The following RBFOX1 variants were observed in gnomAD, a reference collection of about 807,000 sequenced individuals.
RBFOX1 encodes RNA binding protein fox-1 homolog 1.
RBFOX1 carries 8 observed loss-of-function variants against 57.7 expected under a neutral mutation model. The observed-to-expected ratio is 0.14, with a 90% CI of 0.08 to 0.25. The LOEUF (loss-of-function observed/expected upper bound fraction) is 0.25, where lower values mean the gene tolerates loss of function less well. Among genes scored for constraint, RBFOX1 ranks in the 10% least tolerant of loss-of-function variants. The pLI is 1.00. For missense variants in RBFOX1, 611 were observed against 548.5 expected, an observed-to-expected ratio of 1.11 and a Z score of -1.14; for synonymous variants, 326 against 222.4, an observed-to-expected ratio of 1.47 and a Z score of -4.15.
intron 4 of RBFOX1, among the ~76,000 whole-genome samples, chr16:7,201,446 C>G (rs1226339592): frequency 6.9e-6 from 1 of 143,990 alleles, no homozygotes; most frequent in Non-Finnish European, 1.5e-5. Flanking sequence ...ATGCCACGAT[C>G]TGATTCTTTT....
intron 4 of RBFOX1, among the ~76,000 whole-genome samples, chr16:7,444,286 T>A (rs1317607232): frequency 1.3e-5 from 2 of 152,120 alleles, no homozygotes; most frequent in Non-Finnish European, 2.9e-5. Context: ...GTGGGTGTGG[T>A]CTGGCTGGAA....
At chr16:6,982,108 C>G (rs140202633) in intron 3 of RBFOX1, among the ~76,000 whole-genome samples, 146 of 152,200 alleles carry the variant, frequency 9.6e-4, no homozygotes, top group African/African-American at 3.4e-3. Context: ...GGCCCCCGCA[C>G]CAATGACTAA....
intron 3 of RBFOX1, among the ~76,000 whole-genome samples, chr16:6,844,742 G>T (rs986524796): frequency 6.6e-5 from 10 of 152,126 alleles, no homozygotes; most frequent in Non-Finnish European, 1.5e-4. Flanking sequence ...TCTGCATCTA[G>T]GTCTTTGAGG....
chr16:7,444,243 C>T (rs1035556491), intron 4 of RBFOX1, among the ~76,000 whole-genome samples: 10 of 152,196 alleles, frequency 6.6e-5, no homozygotes, highest in Admixed American at 3.3e-4. Flanking sequence ...TATCTATGTT[C>T]TAACCTGTTT....
At chr16:5,419,681 G>C (rs751395154) in intron 1 of RBFOX1, among the ~76,000 whole-genome samples, 1 of 152,046 alleles carries the variant, frequency 6.6e-6, no homozygotes, top group Non-Finnish European at 1.5e-5. Context: ...TCCCATGGTT[G>C]AGTTCTTTTC....
intron 4 of RBFOX1, among the ~76,000 whole-genome samples, chr16:7,100,178 T>G (rs2062431106): frequency 6.6e-6 from 1 of 152,144 alleles, no homozygotes; most frequent in African/African-American, 2.4e-5. Flanking sequence ...AAATTGAAGT[T>G]GAAAGGAATT....
At chr16:7,612,599 C>G (rs1596486631) in intron 10 of RBFOX1, among the ~76,000 whole-genome samples, 1 of 151,264 alleles carries the variant, frequency 6.6e-6, no homozygotes, top group Admixed American at 6.6e-5. Context: ...TTTCCCTTGT[C>G]TTCTAATAAA....
intron 3 of RBFOX1, among the ~76,000 whole-genome samples, chr16:5,677,943 G>A (rs188318359): frequency 6.6e-6 from 1 of 152,306 alleles, no homozygotes; most frequent in Admixed American, 6.5e-5. Flanking sequence ...TATTCCATGA[G>A]CCGAAATGTG....
intron 3 of RBFOX1, among the ~76,000 whole-genome samples, chr16:6,713,492 G>A (rs1368011498): frequency 6.6e-6 from 1 of 152,064 alleles, no homozygotes; most frequent in Non-Finnish European, 1.5e-5. Flanking sequence ...ATTGTAGGAT[G>A]TTGAGGAGCA....
chr16:5,259,995 G>A (rs2062693598), intron 1 of RBFOX1, among the ~76,000 whole-genome samples: 1 of 152,176 alleles, frequency 6.6e-6, no homozygotes, highest in Non-Finnish European at 1.5e-5. Context: ...GAGGCCGAGA[G>A]TTTGAGACCA....
intron 3 of RBFOX1, among the ~76,000 whole-genome samples, chr16:6,739,868 C>T (rs1603484006): frequency 3.3e-5 from 5 of 152,220 alleles, no homozygotes; most frequent in Admixed American, 3.3e-4. Context: ...CAGAGCAAGA[C>T]TCTGTCTTAA....
At chr16:7,456,115 GC>G (rs1222223109) in intron 4 of RBFOX1, among the ~76,000 whole-genome samples, 1 of 152,210 alleles carries the variant, frequency 6.6e-6, no homozygotes, top group East Asian at 1.9e-4. Flanking sequence ...TTCCTACATT[GC>G]CCTTTTGCAC....
chr16:7,076,172 C>G (rs115719467), intron 4 of RBFOX1, among the ~76,000 whole-genome samples: 1,539 of 151,408 alleles, frequency 0.01, 30 homozygotes, highest in African/African-American at 0.035. Flanking sequence ...CTCTCGAGTA[C>G]CTAGAACTAC....
In RBFOX1 at chr16:7,273,068, C is replaced by A. The variant is rs1233735265; in HGVS notation, c.27+220970C>A. Among the ~76,000 whole-genome samples, 12 of 120,552 alleles carry A rather than the reference C, an allele frequency of 1.0e-4. 2 individuals are homozygous for A. Among genetic ancestry groups the A allele is most frequent in the Non-Finnish European group, 1.4e-4 (8 of 58,738 alleles). The allele number at this position is 120,552 out of a possible 152,430, so 79.1% of individuals were successfully genotyped here. On this transcript the variant is annotated intron_variant, in intron 4 of 15. Coordinates refer to ENST00000550418, the MANE Select transcript of RBFOX1 (RefSeq NM_018723.4). ...CTCCCTTCCCTCCCTCCTTCCCTCC[C>A]TCCTTCCATCCTTCCGCTCTCCCTC...
At chr16:7,580,003 C>T in intron 6 of RBFOX1, 83 bp downstream of exon 6, 1 of 1,465,458 alleles carries the variant, frequency 6.8e-7, no homozygotes, top group Non-Finnish European at 9.4e-7. Flanking sequence ...GGGGTATTTA[C>T]AATACTAAGG....
intron 1 of RBFOX1, among the ~76,000 whole-genome samples, chr16:6,225,635 C>T (rs185345348): frequency 6.6e-6 from 1 of 152,278 alleles, no homozygotes; most frequent in Admixed American, 6.5e-5. Context: ...GAATTGCTCA[C>T]AATACAATAT....
chr16:6,431,905 C>CTTTCTTTCTT (rs1176599552), intron 2 of RBFOX1, among the ~76,000 whole-genome samples: 2 of 87,060 alleles, frequency 2.3e-5, no homozygotes, highest in African/African-American at 4.1e-5. Context: ...TGCTTTCTTT[C>CTTTCTTTCTT]TTTCTTTCTT....
chr16:6,618,859 C>G (rs1366454466), intron 2 of RBFOX1, among the ~76,000 whole-genome samples: 2 of 152,122 alleles, frequency 1.3e-5, no homozygotes, highest in African/African-American at 4.8e-5. Context: ...CTCTTTGGAC[C>G]CTGTGTTCAC....
intron 3 of RBFOX1, among the ~76,000 whole-genome samples, chr16:6,951,158 C>T (rs561072444): frequency 2.6e-5 from 4 of 152,266 alleles, no homozygotes; most frequent in South Asian, 4.1e-4. Context: ...CCTCCAGCAT[C>T]AGCTTCCCAA....
Sources: allele counts gnomAD v4.1 joint callset (sites outside exome capture counted in the v4.1 genomes callset), GRCh38; gene constraint gnomAD v4.1.1; transcripts MANE v1.5; gene names NCBI Gene and HGNC (gene_info 2026-07-23, HGNC 2026-07-21).